Variants in VWC2L observed in about 807,000 individuals in gnomAD.
The protein encoded by VWC2L is von Willebrand factor C domain containing 2 like.
Under a neutral mutation model 21.6 loss-of-function variants are expected in VWC2L, and 10 were observed. The ratio of observed to expected loss-of-function variants is 0.46; its 90% CI spans 0.29 to 0.78. The LOEUF is 0.78. VWC2L is among the 30% of genes least tolerant of loss of function. VWC2L has a pLI of 0.10. For missense variants in VWC2L, 209 were observed against 277.1 expected, an observed-to-expected ratio of 0.75 and a Z score of 1.74; for synonymous variants, 96 against 94.3, an observed-to-expected ratio of 1.02 and a Z score of -0.10.
intron 3 of VWC2L, among the ~76,000 whole-genome samples, chr2:214,569,007 C>T (rs1488683560): frequency 6.6e-6 from 1 of 152,152 alleles, no homozygotes; most frequent in Non-Finnish European, 1.5e-5. Context: ...GGGCTTTTCC[C>T]TTAGGACTTT....
chr2:214,498,565 AATAT>A (rs1187988961), intron 3 of VWC2L, among the ~76,000 whole-genome samples: 1 of 151,816 alleles, frequency 6.6e-6, no homozygotes, highest in Non-Finnish European at 1.5e-5. Flanking sequence ...TGAATACTAT[AATAT>A]ATAAAAAAGT....
At chr2:214,519,485 C>T (rs1689197580) in intron 3 of VWC2L, among the ~76,000 whole-genome samples, 1 of 152,192 alleles carries the variant, frequency 6.6e-6, no homozygotes. Flanking sequence ...TCTTTGCCCA[C>T]ATTGGAAACC....
chr2:214,427,356 T>A (rs1257432209), intron 2 of VWC2L, among the ~76,000 whole-genome samples: 3 of 152,194 alleles, frequency 2.0e-5, no homozygotes, highest in African/African-American at 7.2e-5. Flanking sequence ...TTTCTTTTGT[T>A]AATGAGACTC....
At chr2:214,414,029 C>T in intron 1 of VWC2L, 85 bp from the exon 2 acceptor site, 1 of 733,326 alleles carries the variant, frequency 1.4e-6, no homozygotes, top group East Asian at 2.9e-5. Flanking sequence ...CAAATTGATC[C>T]CAAACAGTTT....
At chr2:214,431,604 C>G (rs1029046909) in intron 2 of VWC2L, among the ~76,000 whole-genome samples, 2 of 152,124 alleles carry the variant, frequency 1.3e-5, no homozygotes, top group African/African-American at 4.8e-5. Flanking sequence ...TCTAAGAAAC[C>G]CGTGTTGTTT....
intron 3 of VWC2L, among the ~76,000 whole-genome samples, chr2:214,540,870 T>G (rs999569988): frequency 1.3e-5 from 2 of 152,094 alleles, no homozygotes; most frequent in African/African-American, 4.8e-5. Flanking sequence ...AGTGACAGAG[T>G]CAGACCAAAG....
intron 3 of VWC2L, among the ~76,000 whole-genome samples, chr2:214,555,462 G>A (rs903405703): frequency 2.0e-5 from 3 of 152,156 alleles, no homozygotes; most frequent in African/African-American, 7.2e-5. Flanking sequence ...AGGCCATTGA[G>A]AGCTGGAAAT....
intron 3 of VWC2L, among the ~76,000 whole-genome samples, chr2:214,466,253 T>C (rs867977395): frequency 2.6e-4 from 39 of 152,304 alleles, no homozygotes; most frequent in Middle Eastern, 3.4e-3. Flanking sequence ...CTTTCACTAG[T>C]GTAAAATTCT....
intron 2 of VWC2L, among the ~76,000 whole-genome samples, chr2:214,426,131 C>A (rs1702520803): frequency 7.5e-6 from 1 of 133,170 alleles, no homozygotes; most frequent in African/African-American, 2.8e-5. Flanking sequence ...GAGTTCTGGC[C>A]ATTGCACACC....
chr2:214,559,960 G>C (rs908985006), intron 3 of VWC2L, among the ~76,000 whole-genome samples: 2 of 152,174 alleles, frequency 1.3e-5, no homozygotes, highest in Admixed American at 6.5e-5. Context: ...TTGTCTTGTT[G>C]AAGTTATATT....
Position 214,521,245 on chromosome 2 carries a change from AAATAAATAAAT to A in VWC2L, c.521-54424_521-54414del, listed in dbSNP as rs1386939508. ...GACTCCATCTCAAAGATAAATAAAT[AAATAAATAAAT>A]AAATAAATAAATAAATAAATAAAAC... On this transcript the variant is annotated intron_variant, in intron 3 of 3. Transcript: ENST00000312504. 4.5e-5 allele frequency among the ~76,000 whole-genome samples: 4 copies of A among 89,828 alleles called. No individual in the cohort carries two copies. The East Asian group carries it at 2.6e-3, about 59-fold the overall frequency. The allele number at this position is 89,828 out of a possible 152,430, so 58.9% of individuals were successfully genotyped here. A position where few individuals can be genotyped will look rare whatever the true frequency, so the allele number is the denominator to read the frequency against.
chr2:214,454,062 T>C (rs1169917807), intron 3 of VWC2L, among the ~76,000 whole-genome samples: 1 of 152,132 alleles, frequency 6.6e-6, no homozygotes, highest in Non-Finnish European at 1.5e-5. Flanking sequence ...TTAAAGATTT[T>C]CTGACTATTT....
intron 3 of VWC2L, among the ~76,000 whole-genome samples, chr2:214,476,519 C>G (rs915615442): frequency 5.9e-5 from 9 of 152,226 alleles, no homozygotes; most frequent in African/African-American, 2.2e-4. Flanking sequence ...GCTTTCCATA[C>G]TCTGATGTAC....
intron 3 of VWC2L, among the ~76,000 whole-genome samples, chr2:214,561,020 G>GT (rs1689958703): frequency 6.6e-6 from 1 of 152,134 alleles, no homozygotes; most frequent in Non-Finnish European, 1.5e-5. Flanking sequence ...CTCAGACTAT[G>GT]TTCTCTTCCT....
intron 3 of VWC2L, among the ~76,000 whole-genome samples, chr2:214,480,316 GAT>G (rs1446389977): frequency 1.3e-5 from 2 of 152,182 alleles, no homozygotes; most frequent in African/African-American, 2.4e-5. Context: ...AGATGTTTGT[GAT>G]ATGTTTTAAA....
chr2:214,495,964 A>G (rs56253815), intron 3 of VWC2L, among the ~76,000 whole-genome samples: 35,178 of 151,860 alleles, frequency 0.23, 4,224 homozygotes, highest in Admixed American at 0.26. Context: ...TCAAGGATAC[A>G]TTCTAAGAAA....
At chr2:214,484,507 T>C (rs1048623529) in intron 3 of VWC2L, among the ~76,000 whole-genome samples, 1 of 152,104 alleles carries the variant, frequency 6.6e-6, no homozygotes, top group Non-Finnish European at 1.5e-5. Flanking sequence ...ATTTCCCCTA[T>C]GAACAATGGC....
intron 3 of VWC2L, among the ~76,000 whole-genome samples, chr2:214,443,671 T>C (rs1001754452): frequency 1.3e-5 from 2 of 152,144 alleles, no homozygotes; most frequent in African/African-American, 4.8e-5. Context: ...AAGTGGACAA[T>C]TTTTACATGA....
chr2:214,440,917 T>C (rs1185281288), intron 3 of VWC2L, among the ~76,000 whole-genome samples: 4 of 152,164 alleles, frequency 2.6e-5, no homozygotes, highest in African/African-American at 9.6e-5. Context: ...GTGTTTTCAC[T>C]GGAATACACA....
Sources: gnomAD v4.1 joint callset for allele counts (sites outside exome capture counted in the v4.1 genomes callset) on GRCh38, gnomAD v4.1.1 for gene constraint, MANE v1.5 for transcripts, NCBI Gene and HGNC (gene_info 2026-07-23, HGNC 2026-07-21) for gene names.